The following STRIP2 variants were observed in gnomAD, a reference collection of about 807,000 sequenced individuals.
STRIP2 encodes striatin-interacting protein 2.
STRIP2 carries 84 observed loss-of-function variants against 107.1 expected under a neutral mutation model. The ratio of observed to expected loss-of-function variants is 0.78; its 90% CI spans 0.66 to 0.94. STRIP2 has a LOEUF of 0.94. STRIP2 is among the 40% of genes least tolerant of loss of function. STRIP2 has a pLI of 0.00. For missense variants in STRIP2, 888 were observed against 1,034.2 expected (o/e 0.86, Z 1.94); for synonymous variants, 394 against 400.4 (o/e 0.98, Z 0.19).
chr7:129,464,886 A>G, intron 16 of STRIP2, 148 bp downstream of exon 16: 1 of 1,049,560 alleles, frequency 9.5e-7, no homozygotes, highest in Non-Finnish European at 1.4e-6. Flanking sequence ...CACCCATTGC[A>G]TGAGCTTGAG....
At position 129,456,529 on chromosome 7, in the gene STRIP2, C is replaced by T. The variant is rs139485685; in HGVS notation, c.925C>T (p.Gln309Ter). The T allele has an allele frequency of 4.3e-6, 7 of 1,613,928 alleles. No homozygotes were observed. Among genetic ancestry groups the T allele is most frequent in the African/African-American group, 2.7e-5 (2 of 74,876 alleles). Reference sequence around the variant, plus strand: ...GCCTCCACTGGCTGAAGACAGTATCCAGGTGGTGAAGAGCATGCGTGCTGC... The same window carrying T: ...GCCTCCACTGGCTGAAGACAGTATCTAGGTGGTGAAGAGCATGCGTGCTGC... ...GLPPLAEDSI[Q>*]VVKSMRAASP... Residue 309 changes from glutamine (Q) to a stop codon, truncating the protein, a stop_gained, in exon 9 of 21, where the codon CAG (glutamine) becomes TAG (stop). Transcript: ENST00000249344. LOFTEE classifies it high-confidence loss of function.
In STRIP2 at chr7:129,482,852, T is replaced by C; in HGVS notation, c.2060T>C (p.Val687Ala). 1.2e-6 allele frequency: 2 copies of C among 1,614,058 alleles called. No homozygotes were observed. Among genetic ancestry groups the C allele is most frequent in the Non-Finnish European group, 8.5e-7 (1 of 1,180,006 alleles). ...TCTTTCAATGAACAGATGCTGGTAG[T>C]GTTTAAATCGGCACCAATCTTAAAG... Reference protein sequence around the residue: ...WKHSRTMMLVVFKSAPILKRA... With the variant: ...WKHSRTMMLVAFKSAPILKRA... Residue 687 changes from valine (V) to alanine (A), a missense_variant, in exon 20 of 21, where the codon GTG (valine) becomes GCG (alanine). Val to Ala is a moderately conservative substitution (Grantham distance 64). Coordinates refer to ENST00000249344, the MANE Select transcript of STRIP2 (RefSeq NM_020704.3).
intron 2 of STRIP2, among the ~76,000 whole-genome samples, chr7:129,443,707 T>C (rs996791945): frequency 6.6e-6 from 1 of 152,100 alleles, no homozygotes; most frequent in Admixed American, 6.6e-5. Context: ...AAAGCAGGAG[T>C]TGCAGCCCTG....
chr7:129,434,630 G>A (rs1584926830), intron 1 of STRIP2, 29 bp downstream of exon 1: 2 of 1,442,628 alleles, frequency 1.4e-6, no homozygotes, highest in African/African-American at 1.5e-5. Context: ...TTCGGCTGGG[G>A]CCCGGAGACG....
intron 4 of STRIP2, among the ~76,000 whole-genome samples, 179 bp from the exon 5 acceptor site, chr7:129,453,048 G>T (rs1378071465): frequency 3.9e-5 from 6 of 152,074 alleles, no homozygotes. Flanking sequence ...CCTAACCCTG[G>T]AGACTACCTC....
intron 2 of STRIP2, among the ~76,000 whole-genome samples, chr7:129,442,372 A>G (rs1797924511): frequency 6.6e-6 from 1 of 152,220 alleles, no homozygotes; most frequent in African/African-American, 2.4e-5. Flanking sequence ...GCATATAGCA[A>G]AAGTAGAAAA....
At position 129,434,451 on chromosome 7, in the gene STRIP2, A is replaced by G. The variant is rs1456087770; in HGVS notation, c.-22A>G. ...CTCCGGCAAAGCGAGCTGAACCCTG[A>G]GGGGAGCCGCTGACCAGCAGCATGG... On this transcript the variant is annotated 5_prime_UTR_variant, in exon 1 of 21. Coordinates refer to ENST00000249344, the MANE Select transcript of STRIP2 (RefSeq NM_020704.3). The G allele has an allele frequency of 4.7e-6, 7 of 1,492,696 alleles. No individual in the cohort carries two copies. The East Asian group carries it at 1.9e-4, about 41-fold the overall frequency. 92.5% of individuals were successfully genotyped at this position (1,492,696 alleles called of 1,614,324 possible). A position where few individuals can be genotyped will look rare whatever the true frequency, so the allele number is the denominator to read the frequency against.
chr7:129,472,341 A>G (rs1798807739), intron 18 of STRIP2, among the ~76,000 whole-genome samples: 1 of 152,202 alleles, frequency 6.6e-6, no homozygotes, highest in Non-Finnish European at 1.5e-5. Flanking sequence ...ACACTTTCAC[A>G]TCTCTCCCAA....
rs1383189475 is a variant in STRIP2 at position 129,440,087 on chromosome 7, G to C, written c.195G>C (p.Leu65Phe). 1 of 1,613,966 alleles carries C rather than the reference G, an allele frequency of 6.2e-7. No homozygotes were observed. Among genetic ancestry groups the C allele is most frequent in the Admixed American group, 1.7e-5 (1 of 60,000 alleles). ...ATGCAGATGGGCATGCAGCCGAGTT[G>C]TCAGGTATGAGGTAGATGGGTCAGT... ...YGDADGHAAELSELYSYTENL... is the reference protein window; with the variant it reads ...YGDADGHAAEFSELYSYTENL... Residue 65 changes from leucine to phenylalanine, a missense_variant, in exon 2 of 21, where the codon TTG becomes TTC. Transcript: ENST00000249344.
intron 18 of STRIP2, among the ~76,000 whole-genome samples, chr7:129,476,776 G>A (rs1472162318): frequency 2.0e-5 from 3 of 152,182 alleles, no homozygotes; most frequent in Non-Finnish European, 2.9e-5. Flanking sequence ...ACGGGGTGGC[G>A]GCCGGGCAGA....
Position 129,455,385 on chromosome 7 carries a change from C to T in STRIP2, c.834+14C>T. On this transcript the variant is annotated intron_variant, in intron 8 of 20. Coordinates refer to ENST00000249344, the MANE Select transcript of STRIP2 (RefSeq NM_020704.3). ...AAGGTGGTCATGGTGAGTAATTCTC[C>T]CCACTCCCACATTATCAGATCAGCA... 1 of 1,609,728 alleles carries T rather than the reference C, an allele frequency of 6.2e-7. No homozygotes were observed. Among genetic ancestry groups the T allele is most frequent in the Non-Finnish European group, 8.5e-7 (1 of 1,178,262 alleles).
At chr7:129,453,036 G>A (rs571620107) in intron 4 of STRIP2, among the ~76,000 whole-genome samples, 191 bp from the exon 5 acceptor site, 1 of 152,204 alleles carries the variant, frequency 6.6e-6, no homozygotes, top group East Asian at 1.9e-4. Context: ...GAGCACATTG[G>A]ACCTAACCCT....
chr7:129,454,524 TTAAG>T lies in STRIP2; in HGVS notation c.706+2_706+5del, dbSNP rs1394019830. The T allele has an allele frequency of 3.1e-6, 5 of 1,607,678 alleles. No homozygotes were observed. Among genetic ancestry groups the T allele is most frequent in the African/African-American group, 2.7e-5 (2 of 74,778 alleles). On this transcript the variant is annotated splice_donor_variant and coding_sequence_variant, in exon 7 of 21. Coordinates refer to ENST00000249344, the MANE Select transcript of STRIP2 (RefSeq NM_020704.3). LOFTEE classifies it high-confidence loss of function. ...AGCCCGGGAGACCTTCCGCACTGAATTAAGTAAGAAATGGCACTTGAGGAAGGTG... is the reference window on the plus strand; with the variant it reads ...AGCCCGGGAGACCTTCCGCACTGAATTAAGAAATGGCACTTGAGGAAGGTG...
intron 2 of STRIP2, 110 bp from the exon 3 acceptor site, chr7:129,443,914 T>C: frequency 1.3e-6 from 1 of 789,436 alleles, no homozygotes; most frequent in Non-Finnish European, 2.2e-6. Context: ...TTGGATTCAT[T>C]GGACACAGGA....
At chr7:129,482,744 G>T in intron 19 of STRIP2, 98 bp from the exon 20 acceptor site, 1 of 1,424,136 alleles carries the variant, frequency 7.0e-7, no homozygotes, top group South Asian at 1.2e-5. Context: ...AAGCTCCCCA[G>T]GAATTTCTGA....
At position 129,467,518 on chromosome 7, in the gene STRIP2, G is replaced by A. The variant is rs910905486; in HGVS notation, c.1877+68G>A. On this transcript the variant is annotated intron_variant, in intron 17 of 20. Coordinates refer to ENST00000249344, the MANE Select transcript of STRIP2 (RefSeq NM_020704.3). ...GTGGTTGAGAAAATTACATCATCTCGGAGCCTTTCAGTTTTCCTGGTGTCC... is the reference window on the plus strand; with the variant it reads ...GTGGTTGAGAAAATTACATCATCTCAGAGCCTTTCAGTTTTCCTGGTGTCC... 1.3e-5 allele frequency: 15 copies of A among 1,148,976 alleles called. No individual in the cohort carries two copies. In the African/African-American group the frequency reaches 1.5e-4, roughly 12 times the overall value. The allele number at this position is 1,148,976 out of a possible 1,614,324, so 71.2% of individuals were successfully genotyped here.
intron 18 of STRIP2, among the ~76,000 whole-genome samples, chr7:129,473,360 A>AT (rs1259275218): frequency 1.3e-5 from 2 of 151,910 alleles, no homozygotes; most frequent in African/African-American, 4.8e-5. Flanking sequence ...CTAGAGGACA[A>AT]TTTTTTTCTT....
Position 129,485,609 on chromosome 7 carries a change from C to T in STRIP2, c.2285C>T (p.Ala762Val). The T allele has an allele frequency of 1.2e-6, 2 of 1,613,938 alleles. No homozygotes were observed. Among genetic ancestry groups the T allele is most frequent in the Non-Finnish European group, 1.7e-6 (2 of 1,180,014 alleles). Residue 762 changes from alanine to valine, a missense_variant, in exon 21 of 21, where the codon GCA (alanine) becomes GTA (valine). Coordinates refer to ENST00000249344, the MANE Select transcript of STRIP2 (RefSeq NM_020704.3). Reference sequence around the variant, plus strand: ...GATGCCAGACCATGGGACTTCCAAGCAGAAGAATGTACCTTGAGGGCCAAC... The same window carrying T: ...GATGCCAGACCATGGGACTTCCAAGTAGAAGAATGTACCTTGAGGGCCAAC... ...DIDARPWDFQ[A>V]EECTLRANIE...
Position 129,453,320 on chromosome 7 carries a change from TC to T in STRIP2, c.505del (p.Leu169TrpfsTer25). The part of the protein sequence containing the change: ...LLYQMGTFST[F>X]LELLHMEIDN... ...TATCAGATGGGGACCTTCTCCACCT[TC>T]CTGGAGCTACTCCACATGGAAATTG... is the stretch of plus-strand genomic sequence containing the variant. On this transcript the variant is annotated frameshift_variant, in exon 5 of 21. Transcript: ENST00000249344. LOFTEE classifies it high-confidence loss of function. 6.2e-7 allele frequency: 1 copy of T among 1,614,132 alleles called. No individual in the cohort carries two copies. Among genetic ancestry groups the T allele is most frequent in the Non-Finnish European group, 8.5e-7 (1 of 1,180,008 alleles).
Sources: gnomAD v4.1 joint callset for allele counts (sites outside exome capture counted in the v4.1 genomes callset) on GRCh38, gnomAD v4.1.1 for gene constraint, MANE v1.5 for transcripts, NCBI Gene and HGNC (gene_info 2026-07-23, HGNC 2026-07-21) for gene names.